PAM: variants seen among roughly 807,000 people sequenced by gnomAD.
PAM encodes the protein peptidylglycine alpha-amidating monooxygenase.
PAM carries 72 observed loss-of-function variants against 122.1 expected under a neutral mutation model. That is an observed-to-expected ratio of 0.59 (90% CI 0.49 to 0.72). PAM has a LOEUF of 0.72. Among genes scored for constraint, PAM ranks in the 30% least tolerant of loss-of-function variants. The probability of loss-of-function intolerance (pLI) is 0.00; values close to 1 mark genes in which losing one functional copy is unlikely to be tolerated. For synonymous variants in PAM, 389 were observed against 404.4 expected (o/e 0.96, Z 0.46); for missense variants, 1,106 against 1,183.7 (o/e 0.93, Z 0.96).
At chr5:102,788,098 AC>A (rs1226095043) in intron 1 of PAM, among the ~76,000 whole-genome samples, 1 of 152,170 alleles carries the variant, frequency 6.6e-6, no homozygotes, top group Non-Finnish European at 1.5e-5. Flanking sequence ...AGTACAACTT[AC>A]TGGAATCTAG....
intron 12 of PAM, 43 bp downstream of exon 12, chr5:102,950,863 G>A (rs779032529): frequency 2.6e-6 from 3 of 1,136,938 alleles, no homozygotes; most frequent in South Asian, 1.3e-5. Context: ...ATTTTATTGG[G>A]ATAAGGCATG....
At chr5:103,028,485 T>C (rs1000536006) in intron 25 of PAM, among the ~76,000 whole-genome samples, 1 of 152,158 alleles carries the variant, frequency 6.6e-6, no homozygotes, top group African/African-American at 2.4e-5. Context: ...CCCCTGCCTT[T>C]TACCTGGCTT....
chr5:102,784,982 C>A (rs183457599), intron 1 of PAM, among the ~76,000 whole-genome samples: 1 of 152,316 alleles, frequency 6.6e-6, no homozygotes, highest in East Asian at 1.9e-4. Flanking sequence ...AACAAAAAAG[C>A]AATGCCCGCA....
At chr5:102,858,632 T>C (rs1434480645) in intron 1 of PAM, among the ~76,000 whole-genome samples, 1 of 152,244 alleles carries the variant, frequency 6.6e-6, no homozygotes, top group Non-Finnish European at 1.5e-5. Flanking sequence ...TAAATTGAAA[T>C]CTGTCGAACC....
intron 1 of PAM, among the ~76,000 whole-genome samples, chr5:102,794,125 A>G (rs748787195): frequency 6.6e-6 from 1 of 152,198 alleles, no homozygotes; most frequent in Non-Finnish European, 1.5e-5. Flanking sequence ...TTATAGAACT[A>G]TTTTAATGAT....
intron 21 of PAM, among the ~76,000 whole-genome samples, chr5:103,013,929 C>A (rs550540997): frequency 2.6e-5 from 4 of 152,090 alleles, no homozygotes. Context: ...AAATATTTCA[C>A]CAGAAAAGCA....
chr5:102,950,860 T>G, intron 12 of PAM, 40 bp downstream of exon 12: 1 of 1,209,136 alleles, frequency 8.3e-7, no homozygotes, highest in South Asian at 1.2e-5. Flanking sequence ...GATATTTTAT[T>G]GGGATAAGGC....
At chr5:102,894,194 G>A (rs1355944048) in intron 3 of PAM, among the ~76,000 whole-genome samples, 1 of 151,650 alleles carries the variant, frequency 6.6e-6, no homozygotes, top group Non-Finnish European at 1.5e-5. Flanking sequence ...TGAACTACGA[G>A]AAGAGTACCC....
At chr5:103,002,966 G>T (rs2151003552) in intron 16 of PAM, 67 bp from the exon 17 acceptor site, 2 of 769,124 alleles carry the variant, frequency 2.6e-6, no homozygotes, top group Non-Finnish European at 4.7e-6. Flanking sequence ...TATGTGAATG[G>T]TCTGCATTTC....
chr5:102,761,335 T>C (rs1169962563), intron 1 of PAM, among the ~76,000 whole-genome samples: 1 of 152,218 alleles, frequency 6.6e-6, no homozygotes, highest in Non-Finnish European at 1.5e-5. Context: ...AAGCTCATTT[T>C]GTAGAGAGTG....
At chr5:102,887,842 C>G (rs1376593102) in intron 3 of PAM, among the ~76,000 whole-genome samples, 1 of 151,896 alleles carries the variant, frequency 6.6e-6, no homozygotes, top group African/African-American at 2.4e-5. Context: ...CCTGTTTAAC[C>G]TGGTAAATAC....
At chr5:102,793,883 T>C (rs543899267) in intron 1 of PAM, among the ~76,000 whole-genome samples, 20 of 152,304 alleles carry the variant, frequency 1.3e-4, no homozygotes, top group African/African-American at 4.8e-4. Context: ...ATGTGAAATA[T>C]GTATTGAATA....
At chr5:102,852,889 G>A (rs1433209699) in intron 1 of PAM, among the ~76,000 whole-genome samples, 1 of 152,104 alleles carries the variant, frequency 6.6e-6, no homozygotes, top group Non-Finnish European at 1.5e-5. Context: ...CTTTTAAAAT[G>A]CTTTAGCAAC....
intron 1 of PAM, among the ~76,000 whole-genome samples, chr5:102,863,850 G>T (rs1291294608): frequency 6.6e-6 from 1 of 150,924 alleles, no homozygotes; most frequent in Non-Finnish European, 1.5e-5. Context: ...GAAACAAGAA[G>T]CATAATTAGC....
At chr5:102,993,217 G>T (rs1187698305) in intron 16 of PAM, among the ~76,000 whole-genome samples, 1 of 152,068 alleles carries the variant, frequency 6.6e-6, no homozygotes, top group Admixed American at 6.6e-5. Flanking sequence ...TGCCAGCAGG[G>T]TGTAATGAAA....
intron 1 of PAM, among the ~76,000 whole-genome samples, chr5:102,810,983 G>A (rs1767747652): frequency 6.6e-6 from 1 of 152,220 alleles, no homozygotes; most frequent in Admixed American, 6.5e-5. Flanking sequence ...AGTTTTCTGT[G>A]TTCACTCAGT....
rs183479564 is a variant in PAM, at chr5:102,863,841, A to G, written c.-373-1982A>G. ...TGTCTTTAGCTTACAAGTCATCCAGAAACAAGAAGCATAATTAGCTTTCAT... is the reference window on the plus strand; with the variant it reads ...TGTCTTTAGCTTACAAGTCATCCAGGAACAAGAAGCATAATTAGCTTTCAT... On this transcript the variant is annotated intron_variant, in intron 1 of 25. Coordinates refer to ENST00000438793, the MANE Select transcript of PAM (RefSeq NM_001177306.2). Among the ~76,000 whole-genome samples, 84 of 151,404 alleles carry G rather than the reference A, an allele frequency of 5.5e-4. 2 individuals carry two copies. The highest frequency in any genetic ancestry group is 2.1e-4 in the Non-Finnish European group (14 of 67,818).
chr5:102,902,339 T>C (rs1798211562), intron 4 of PAM, among the ~76,000 whole-genome samples: 1 of 151,572 alleles, frequency 6.6e-6, no homozygotes, highest in African/African-American at 2.4e-5. Flanking sequence ...CAGAGCAATG[T>C]GCATTTTTTA....
chr5:102,762,300 A>G (rs1752571380), intron 1 of PAM, among the ~76,000 whole-genome samples: 2 of 152,284 alleles, frequency 1.3e-5, no homozygotes, highest in South Asian at 4.1e-4. Flanking sequence ...TGAAATTGGA[A>G]ATACTCATTG....
Sources: allele counts gnomAD v4.1 joint callset (sites outside exome capture counted in the v4.1 genomes callset), GRCh38; gene constraint gnomAD v4.1.1; transcripts MANE v1.5; gene names NCBI Gene and HGNC (gene_info 2026-07-23, HGNC 2026-07-21).